Variants in VAPB observed in about 807,000 individuals in gnomAD.
The protein encoded by VAPB is vesicle-associated membrane protein-associated protein B/C.
In VAPB, 7 loss-of-function variants were observed where a neutral mutation model predicts 25.6. That is an observed-to-expected ratio of 0.27 (90% CI 0.16 to 0.51). The LOEUF (loss-of-function observed/expected upper bound fraction) is 0.51, where lower values mean the gene tolerates loss of function less well. VAPB is among the 20% of genes least tolerant of loss of function. The probability of loss-of-function intolerance (pLI) is 0.97; values close to 1 mark genes in which losing one functional copy is unlikely to be tolerated. For synonymous variants in VAPB, 112 were observed against 109.2 expected, an observed-to-expected ratio of 1.03 and a Z score of -0.16; for missense variants, 266 against 301.3, an observed-to-expected ratio of 0.88 and a Z score of 0.87.
Position 58,450,356 on chromosome 20 carries a change from C to T in VAPB, c.*6121C>T, listed in dbSNP as rs1410162214. ...CAAACGTTTCGTAAGTACCCTCTGT[C>T]TGTTTGCTACTATATGAGGTGCTGC... On this transcript the variant is annotated 3_prime_UTR_variant, in exon 6 of 6. Coordinates refer to ENST00000475243, the MANE Select transcript of VAPB (RefSeq NM_004738.5). The T allele has an allele frequency of 2.2e-6, 1 of 452,418 alleles. No individual in the cohort carries two copies. The highest frequency in any genetic ancestry group is 4.4e-6 in the Non-Finnish European group (1 of 225,824). 28.0% of individuals were successfully genotyped at this position (452,418 alleles called of 1,614,324 possible).
chr20:58,430,790 G>A (rs181522476), intron 2 of VAPB, among the ~76,000 whole-genome samples: 2 of 152,202 alleles, frequency 1.3e-5, no homozygotes, highest in African/African-American at 4.8e-5. Context: ...TGGCGAGGCT[G>A]GTCTGGAACT....
intron 4 of VAPB, chr20:58,439,254 C>G: frequency 1.8e-6 from 1 of 542,272 alleles, no homozygotes; most frequent in Non-Finnish European, 3.3e-6. Context: ...AAAAGTGCAG[C>G]CCGATGGCCA....
rs757130440 is a variant in VAPB, at chr20:58,439,025, A to G, written c.396A>G (p.Pro132=). 2.5e-6 allele frequency: 4 copies of G among 1,611,784 alleles called. No individual in the cohort carries two copies. The highest frequency in any genetic ancestry group is 3.4e-6 in the Non-Finnish European group (4 of 1,178,178). ...VFELPAENDK[P]HDVEINKIIS... ...AATTGCCAGCAGAGAATGATAAACC[A>G]GTAAGTATATTTATAGTTAACAATA... Residue 132 remains proline, a splice_region_variant and synonymous_variant, in exon 4 of 6, where the codon CCA becomes CCG. Transcript: ENST00000475243.
At position 58,450,582 on chromosome 20, in the gene VAPB, T is replaced by A; in HGVS notation, c.*6347T>A. 1 of 454,158 alleles carries A rather than the reference T, an allele frequency of 2.2e-6. No homozygotes were observed. The allele number at this position is 454,158 out of a possible 1,614,324, so 28.1% of individuals were successfully genotyped here. A position where few individuals can be genotyped will look rare whatever the true frequency, so the allele number is the denominator to read the frequency against. On this transcript the variant is annotated 3_prime_UTR_variant, in exon 6 of 6. Transcript: ENST00000475243. ...AACTAAAAATGATCTATTTCAGTGT[T>A]CCTTTCGCCTTTCCTCTGCTTTCTG...
At chr20:58,440,163 G>T (rs1233450480) in intron 4 of VAPB, 1 of 152,168 alleles carries the variant, frequency 6.6e-6, no homozygotes, top group African/African-American at 2.4e-5. Flanking sequence ...CAGTATTCTG[G>T]CCTCAGCTCT....
chr20:58,413,590 C>T (rs933098400), intron 1 of VAPB, among the ~76,000 whole-genome samples: 1 of 152,004 alleles, frequency 6.6e-6, no homozygotes, highest in African/African-American at 2.4e-5. Flanking sequence ...AATCTTTTCC[C>T]CACCTTTCCC....
At chr20:58,397,344 AC>A (rs1175061977) in intron 1 of VAPB, among the ~76,000 whole-genome samples, 1 of 151,614 alleles carries the variant, frequency 6.6e-6, no homozygotes, top group Non-Finnish European at 1.5e-5. Flanking sequence ...ACATGGAGAA[AC>A]CCCATCTCTA....
Position 58,446,051 on chromosome 20 carries a change from A to C in VAPB, c.*1816A>C, listed in dbSNP as rs1346022068. ...TGGAAGTCTATGGTTGGTCTGAGTA[A>C]GTAACTTCCTGTCTTCATGAAAAAA... On this transcript the variant is annotated 3_prime_UTR_variant, in exon 6 of 6. Coordinates refer to ENST00000475243, the MANE Select transcript of VAPB (RefSeq NM_004738.5). 2.2e-6 allele frequency: 1 copy of C among 453,922 alleles called. No homozygotes were observed. 28.1% of individuals were successfully genotyped at this position (453,922 alleles called of 1,614,324 possible). A position where few individuals can be genotyped will look rare whatever the true frequency, so the allele number is the denominator to read the frequency against.
At chr20:58,431,359 A>C (rs768786912) in intron 2 of VAPB, 4 of 152,198 alleles carry the variant, frequency 2.6e-5, no homozygotes, top group Non-Finnish European at 5.9e-5. Context: ...AGAACCATGA[A>C]GCTCTGGTTG....
At chr20:58,427,317 T>G (rs944392958) in intron 2 of VAPB, among the ~76,000 whole-genome samples, 1 of 149,594 alleles carries the variant, frequency 6.7e-6, no homozygotes, top group East Asian at 2.0e-4. Context: ...CTGTTACCAT[T>G]ATGATGCAGG....
Position 58,444,381 on chromosome 20 carries a change from A to G in VAPB, c.*146A>G, listed in dbSNP as rs751984369. ...TTAAATTACCCCTCCCTGCACACAC[A>G]TACACAGATACACACACACAAATAT... On this transcript the variant is annotated 3_prime_UTR_variant, in exon 6 of 6. Coordinates refer to ENST00000475243, the MANE Select transcript of VAPB (RefSeq NM_004738.5). 1 of 1,008,150 alleles carries G rather than the reference A, an allele frequency of 9.9e-7. No individual in the cohort carries two copies. The highest frequency in any genetic ancestry group is 1.6e-6 in the Non-Finnish European group (1 of 644,034). The allele number at this position is 1,008,150 out of a possible 1,614,324, so 62.5% of individuals were successfully genotyped here.
chr20:58,422,770 C>G (rs1295178885), intron 2 of VAPB, among the ~76,000 whole-genome samples: 1 of 152,064 alleles, frequency 6.6e-6, no homozygotes, highest in East Asian at 1.9e-4. Context: ...TTTTTATAAC[C>G]TTCACTGAAT....
intron 1 of VAPB, among the ~76,000 whole-genome samples, 161 bp downstream of exon 1, chr20:58,389,678 C>G (rs931441550): frequency 2.0e-5 from 3 of 152,108 alleles, no homozygotes; most frequent in Non-Finnish European, 4.4e-5. Context: ...CGCCGCGCTC[C>G]CCAGAACTGC....
rs181365963 is a variant in VAPB, at chr20:58,397,317, C to T, written c.58+7800C>T. ...GGCAGATCAACTGAGGTCAGGAGTT[C>T]GAGACCAGCCTGACCAACATGGAGA... is the stretch of plus-strand genomic sequence containing the variant. On this transcript the variant is annotated intron_variant, in intron 1 of 5. Coordinates refer to ENST00000475243, the MANE Select transcript of VAPB (RefSeq NM_004738.5). Among the ~76,000 whole-genome samples the T allele has an allele frequency of 3.2e-3, 484 of 151,942 alleles. 5 individuals carry two copies. The highest frequency in any genetic ancestry group is 0.011 in the African/African-American group (455 of 41,452).
At chr20:58,392,582 G>C (rs2123012318) in intron 1 of VAPB, among the ~76,000 whole-genome samples, 1 of 152,318 alleles carries the variant, frequency 6.6e-6, no homozygotes, top group South Asian at 2.1e-4. Flanking sequence ...ATTCATTTCA[G>C]GATGAGAAAT....
chr20:58,443,129 A>G (rs1391906336), intron 5 of VAPB, among the ~76,000 whole-genome samples: 1 of 151,920 alleles, frequency 6.6e-6, no homozygotes, highest in Non-Finnish European at 1.5e-5. Flanking sequence ...GGAAGAAAAA[A>G]TTTTTCATTT....
Position 58,445,081 on chromosome 20 carries a change from C to G in VAPB, c.*846C>G, listed in dbSNP as rs1165344819. ...GTGGGCTCCTCTGTCTCTGGAGAGT[C>G]TGGTCATGTGGAGGTGGGGTTTATT... On this transcript the variant is annotated 3_prime_UTR_variant, in exon 6 of 6. Coordinates refer to ENST00000475243, the MANE Select transcript of VAPB (RefSeq NM_004738.5). 4.4e-6 allele frequency: 2 copies of G among 454,498 alleles called. No individual in the cohort carries two copies. Among genetic ancestry groups the G allele is most frequent in the Admixed American group, 4.7e-5 (2 of 42,550 alleles). The allele number at this position is 454,498 out of a possible 1,614,324, so 28.2% of individuals were successfully genotyped here.
chr20:58,443,407 T>G (rs1989204200), intron 5 of VAPB, among the ~76,000 whole-genome samples: 1 of 149,572 alleles, frequency 6.7e-6, no homozygotes, highest in African/African-American at 2.5e-5. Flanking sequence ...GGTTTTTTTT[T>G]TTTTTTTTTT....
At chr20:58,396,954 C>G (rs1169124188) in intron 1 of VAPB, among the ~76,000 whole-genome samples, 3 of 152,142 alleles carry the variant, frequency 2.0e-5, no homozygotes, top group African/African-American at 4.8e-5. Context: ...TTCCCTCATA[C>G]CAGTATCAGC....
Sources: allele counts gnomAD v4.1 joint callset (sites outside exome capture counted in the v4.1 genomes callset), GRCh38; gene constraint gnomAD v4.1.1; transcripts MANE v1.5; gene names NCBI Gene and HGNC (gene_info 2026-07-23, HGNC 2026-07-21).